Variants in DHX35 observed in about 807,000 individuals in gnomAD.
DHX35 encodes the protein DEAH-box helicase 35, also known as probable ATP-dependent RNA helicase DHX35.
A neutral mutation model predicts 99.6 loss-of-function variants in DHX35; 84 were observed. The observed-to-expected ratio is 0.84, with a 90% confidence interval of 0.71 to 1.01. The LOEUF (loss-of-function observed/expected upper bound fraction) is 1.01, where lower values mean the gene tolerates loss of function less well. DHX35 is among the 50% of genes least tolerant of loss of function. The pLI is 0.00. For missense variants in DHX35, 852 were observed against 888.5 expected (o/e 0.96, Z 0.52); for synonymous variants, 331 against 316.2 (o/e 1.05, Z -0.50).
intron 1 of DHX35, among the ~76,000 whole-genome samples, chr20:38,965,828 A>G (rs1436901470): frequency 6.6e-6 from 1 of 152,206 alleles, no homozygotes; most frequent in East Asian, 1.9e-4. Context: ...ATTTGCAAGT[A>G]CACGTGGATC....
At chr20:38,979,762 A>G (rs1284215482) in intron 3 of DHX35, among the ~76,000 whole-genome samples, 1 of 152,102 alleles carries the variant, frequency 6.6e-6, no homozygotes. Flanking sequence ...GGAAAAAACA[A>G]TGTGCAAAAG....
At chr20:39,023,804 C>A in intron 17 of DHX35, 37 bp downstream of exon 17, 1 of 1,554,366 alleles carries the variant, frequency 6.4e-7, no homozygotes. Flanking sequence ...CGCCTCAACA[C>A]ACCACCCTCT....
intron 5 of DHX35, among the ~76,000 whole-genome samples, chr20:38,990,589 A>T (rs572417701): frequency 6.6e-6 from 1 of 152,366 alleles, no homozygotes; most frequent in South Asian, 2.1e-4. Context: ...AAAATAAAAA[A>T]TAATGTAAAT....
intron 13 of DHX35, among the ~76,000 whole-genome samples, chr20:39,011,085 A>G (rs1171470036): frequency 6.6e-6 from 1 of 152,092 alleles, no homozygotes; most frequent in East Asian, 1.9e-4. Context: ...AATTTTTCAT[A>G]AGATAGATTT....
intron 5 of DHX35, among the ~76,000 whole-genome samples, chr20:38,990,949 C>T (rs974573122): frequency 6.6e-6 from 1 of 152,140 alleles, no homozygotes; most frequent in African/African-American, 2.4e-5. Flanking sequence ...AGAGGTAGAG[C>T]CAGGATCTGA....
In DHX35 at chr20:39,026,811, C is replaced by T. The variant is rs149638146; in HGVS notation, c.1801+1452C>T. ...CTGGGCCATTGAGCCATGTTGGAGT[C>T]ATTGATAGAAACAGGATGCTTACAA... is the stretch of plus-strand genomic sequence containing the variant. On this transcript the variant is annotated intron_variant, in intron 18 of 21. Coordinates refer to ENST00000252011, the MANE Select transcript of DHX35 (RefSeq NM_021931.4). 1.8e-4 allele frequency among the ~76,000 whole-genome samples: 27 copies of T among 152,218 alleles called. No homozygotes were observed. In the East Asian group the frequency reaches 5.0e-3, roughly 28 times the overall value.
At chr20:39,007,329 C>T (rs2086635004) in intron 12 of DHX35, among the ~76,000 whole-genome samples, 1 of 152,184 alleles carries the variant, frequency 6.6e-6, no homozygotes, top group Non-Finnish European at 1.5e-5. Context: ...GGTCTGTGGC[C>T]ACAGTGACTG....
At chr20:39,000,460 T>C (rs776202724) in intron 8 of DHX35, among the ~76,000 whole-genome samples, 4 of 152,170 alleles carry the variant, frequency 2.6e-5, no homozygotes, top group Non-Finnish European at 5.9e-5. Flanking sequence ...TTGAAGGGAA[T>C]TTACCCAAAA....
chr20:38,969,731 G>A (rs1305957738), intron 2 of DHX35, among the ~76,000 whole-genome samples: 2 of 152,176 alleles, frequency 1.3e-5, no homozygotes, highest in South Asian at 2.1e-4. Flanking sequence ...TTTTATTAGC[G>A]CTCACGAAAC....
chr20:39,036,802 A>G (rs1268152163), intron 21 of DHX35, among the ~76,000 whole-genome samples: 1 of 151,320 alleles, frequency 6.6e-6, no homozygotes, highest in Non-Finnish European at 1.5e-5. Context: ...TCCCCAAACC[A>G]CAGAGAAACT....
chr20:38,984,458 A>G (rs549896386), intron 4 of DHX35, among the ~76,000 whole-genome samples: 1 of 152,314 alleles, frequency 6.6e-6, no homozygotes, highest in African/African-American at 2.4e-5. Flanking sequence ...ATCATATTTA[A>G]TATTTATTTT....
chr20:39,023,330 C>T (rs1360963994), intron 16 of DHX35, among the ~76,000 whole-genome samples: 1 of 152,194 alleles, frequency 6.6e-6, no homozygotes, highest in Non-Finnish European at 1.5e-5. Context: ...ATTCACCATG[C>T]AATATTACTT....
At chr20:38,997,799 A>AG (rs1491536810) in intron 8 of DHX35, among the ~76,000 whole-genome samples, 2 of 152,206 alleles carry the variant, frequency 1.3e-5, no homozygotes, top group Non-Finnish European at 2.9e-5. Flanking sequence ...AGTGGGCGAA[A>AG]GAGGGCAAGA....
intron 13 of DHX35, 42 bp from the exon 14 acceptor site, chr20:39,014,838 C>A (rs768535777): frequency 6.2e-7 from 1 of 1,611,914 alleles, no homozygotes; most frequent in Admixed American, 1.7e-5. Context: ...ATGTTTGTTG[C>A]CCAAATAAAT....
chr20:39,004,716 C>T (rs986973821), intron 11 of DHX35, among the ~76,000 whole-genome samples: 7 of 152,250 alleles, frequency 4.6e-5, no homozygotes, highest in African/African-American at 1.4e-4. Flanking sequence ...GCCAGTCCAC[C>T]TGGGCCTGAC....
intron 10 of DHX35, among the ~76,000 whole-genome samples, chr20:39,003,480 T>G (rs989412532): frequency 6.6e-6 from 1 of 152,226 alleles, no homozygotes; most frequent in Admixed American, 6.5e-5. Flanking sequence ...ATAGTCATCG[T>G]TTTTATTTAT....
chr20:38,970,300 A>G (rs774436186), intron 2 of DHX35, among the ~76,000 whole-genome samples: 3 of 152,138 alleles, frequency 2.0e-5, no homozygotes, highest in Non-Finnish European at 2.9e-5. Context: ...CTTTCTCCAA[A>G]CAGATAGGCA....
chr20:38,993,694 T>TC (rs2086377368), intron 7 of DHX35, among the ~76,000 whole-genome samples: 1 of 151,774 alleles, frequency 6.6e-6, no homozygotes, highest in African/African-American at 2.4e-5. Context: ...TCTTTTTTTT[T>TC]TTTTTTCACG....
At chr20:39,027,648 C>T (rs1208613045) in intron 18 of DHX35, among the ~76,000 whole-genome samples, 1 of 152,094 alleles carries the variant, frequency 6.6e-6, no homozygotes, top group Non-Finnish European at 1.5e-5. Flanking sequence ...TGCTTTATTC[C>T]ATTGGATCTA....
Sources: gnomAD v4.1 joint callset for allele counts (sites outside exome capture counted in the v4.1 genomes callset) on GRCh38, gnomAD v4.1.1 for gene constraint, MANE v1.5 for transcripts, NCBI Gene and HGNC (gene_info 2026-07-23, HGNC 2026-07-21) for gene names.